Variants in KCMF1 observed in about 807,000 individuals in gnomAD.
The protein encoded by KCMF1 is E3 ubiquitin-protein ligase KCMF1.
Under a neutral mutation model 41.1 loss-of-function variants are expected in KCMF1, and 3 were observed. The ratio of observed to expected loss-of-function variants is 0.07; its 90% CI spans 0.03 to 0.19. The LOEUF is 0.19. KCMF1 is among the 10% of genes least tolerant of loss of function. KCMF1 has a pLI of 1.00. For synonymous variants in KCMF1, 142 were observed against 164.5 expected, an observed-to-expected ratio of 0.86 and a Z score of 1.04; for missense variants, 286 against 488.9, an observed-to-expected ratio of 0.58 and a Z score of 3.91.
chr2:85,009,908 C>T (rs1674612994), intron 1 of KCMF1, among the ~76,000 whole-genome samples: 1 of 152,140 alleles, frequency 6.6e-6, no homozygotes, highest in Non-Finnish European at 1.5e-5. Flanking sequence ...GTTCTTCACC[C>T]TAACTAGGGT....
At chr2:85,041,847 A>G (rs1432734167) in intron 3 of KCMF1, among the ~76,000 whole-genome samples, 1 of 142,924 alleles carries the variant, frequency 7.0e-6, no homozygotes, top group Non-Finnish European at 1.5e-5. Context: ...GCATCTCTCA[A>G]AGAGTTTACA....
At chr2:84,975,778 C>T (rs554710619) in intron 1 of KCMF1, among the ~76,000 whole-genome samples, 1 of 152,272 alleles carries the variant, frequency 6.6e-6, no homozygotes, top group Admixed American at 6.5e-5. Flanking sequence ...GTATGTTATT[C>T]AGAGCTTAAA....
At chr2:85,010,732 A>G in intron 1 of KCMF1, among the ~76,000 whole-genome samples, 1 of 152,208 alleles carries the variant, frequency 6.6e-6, no homozygotes. Flanking sequence ...ATTTCTAGTC[A>G]GTCTCTACCA....
At chr2:85,048,187 T>G (rs529714118) in intron 5 of KCMF1, among the ~76,000 whole-genome samples, 1 of 152,334 alleles carries the variant, frequency 6.6e-6, no homozygotes, top group East Asian at 1.9e-4. Flanking sequence ...CCATATAAAA[T>G]TTTAATTCCA....
chr2:84,996,229 T>C (rs1674172476), intron 1 of KCMF1, among the ~76,000 whole-genome samples: 1 of 152,190 alleles, frequency 6.6e-6, no homozygotes, highest in Non-Finnish European at 1.5e-5. Context: ...TTGTGTAGTA[T>C]TGTCTGTTAC....
At chr2:84,972,542 G>T (rs565833981) in intron 1 of KCMF1, among the ~76,000 whole-genome samples, 8 of 152,226 alleles carry the variant, frequency 5.3e-5, no homozygotes, top group Non-Finnish European at 1.0e-4. Flanking sequence ...GTTAATACAA[G>T]ATTGTAGAAG....
At chr2:85,039,455 T>C (rs1675473902) in intron 3 of KCMF1, among the ~76,000 whole-genome samples, 2 of 152,184 alleles carry the variant, frequency 1.3e-5, no homozygotes, top group Non-Finnish European at 2.9e-5. Context: ...TCAGGCATGC[T>C]GACTTTAGGT....
At chr2:85,035,512 A>G (rs1292606348) in intron 3 of KCMF1, among the ~76,000 whole-genome samples, 4 of 152,218 alleles carry the variant, frequency 2.6e-5, no homozygotes, top group South Asian at 2.1e-4. Flanking sequence ...CTTTTCTTCT[A>G]CAAGGAACTT....
chr2:85,040,485 T>C (rs1675501847), intron 3 of KCMF1, among the ~76,000 whole-genome samples: 1 of 152,204 alleles, frequency 6.6e-6, no homozygotes, highest in Non-Finnish European at 1.5e-5. Flanking sequence ...TTTCCATTTC[T>C]CCTGCCCCGC....
intron 1 of KCMF1, among the ~76,000 whole-genome samples, chr2:85,025,739 G>T (rs777930921): frequency 4.6e-5 from 7 of 152,020 alleles, no homozygotes; most frequent in Non-Finnish European, 1.0e-4. Context: ...CACCCGAGTA[G>T]CTGAGATTAC....
chr2:84,993,081 G>T (rs551597881), intron 1 of KCMF1, among the ~76,000 whole-genome samples: 27 of 152,100 alleles, frequency 1.8e-4, no homozygotes, highest in African/African-American at 5.1e-4. Context: ...CAGCTACTTG[G>T]GAGGCTGAGA....
At chr2:84,992,501 C>T (rs370574869) in intron 1 of KCMF1, among the ~76,000 whole-genome samples, 42 of 152,268 alleles carry the variant, frequency 2.8e-4, no homozygotes, top group African/African-American at 7.9e-4. Context: ...GGTGAGCCAC[C>T]GCGCCTGGCC....
intron 1 of KCMF1, among the ~76,000 whole-genome samples, chr2:84,971,807 G>A (rs527457571): frequency 0.015 from 2,317 of 151,472 alleles, 29 homozygotes; most frequent in South Asian, 0.063. Flanking sequence ...AGGCCCGCCC[G>A]GCCGGTTCAG....
At position 85,049,735 on chromosome 2, in the gene KCMF1, T is replaced by C. The variant is rs111828712; in HGVS notation, c.884+87T>C. On this transcript the variant is annotated intron_variant, in intron 6 of 6. Transcript: ENST00000409785. The stretch of plus-strand genomic sequence containing the variant: ...GAATTATCTTTTCTCTTTTGTGCAT[T>C]ATATTTCTTTAAAATTTTGTGTTTG... 5.4e-4 allele frequency: 601 copies of C among 1,106,122 alleles called. 5 individuals carry two copies. In the African/African-American group the frequency reaches 8.7e-3, roughly 16 times the overall value. 68.5% of individuals were successfully genotyped at this position (1,106,122 alleles called of 1,614,324 possible). A position where few individuals can be genotyped will look rare whatever the true frequency, so the allele number is the denominator to read the frequency against.
chr2:85,047,248 A>G (rs774093996), intron 5 of KCMF1, among the ~76,000 whole-genome samples: 10 of 152,228 alleles, frequency 6.6e-5, no homozygotes, highest in Admixed American at 1.3e-4. Context: ...CCAAAATGTC[A>G]TGGTTAAATC....
At chr2:85,047,279 A>T (rs1675690783) in intron 5 of KCMF1, among the ~76,000 whole-genome samples, 2 of 152,206 alleles carry the variant, frequency 1.3e-5, no homozygotes, top group African/African-American at 4.8e-5. Flanking sequence ...CACATAAAAA[A>T]ATGTCCAAAG....
chr2:85,003,571 A>C (rs1281521827), intron 1 of KCMF1, among the ~76,000 whole-genome samples: 1 of 152,000 alleles, frequency 6.6e-6, no homozygotes, highest in Admixed American at 6.6e-5. Context: ...TTTATGCACA[A>C]GCTTATAAAT....
At chr2:85,008,247 G>C (rs919168198) in intron 1 of KCMF1, among the ~76,000 whole-genome samples, 4 of 78,080 alleles carry the variant, frequency 5.1e-5, no homozygotes, top group Non-Finnish European at 9.8e-5. Context: ...TATTATATAT[G>C]ATATATATTA....
At chr2:85,015,206 C>G (rs377434783) in intron 1 of KCMF1, among the ~76,000 whole-genome samples, 1 of 151,542 alleles carries the variant, frequency 6.6e-6, no homozygotes. Flanking sequence ...TAATCCCCCC[C>G]GCTTTCCCTT....
Sources: allele counts gnomAD v4.1 joint callset (sites outside exome capture counted in the v4.1 genomes callset), GRCh38; gene constraint gnomAD v4.1.1; transcripts MANE v1.5; gene names NCBI Gene and HGNC (gene_info 2026-07-23, HGNC 2026-07-21).